Variants in C11orf91 observed in about 807,000 individuals in gnomAD.
The protein encoded by C11orf91 is chromosome 11 open reading frame 91.
A neutral mutation model predicts 14.3 loss-of-function variants in C11orf91; 10 were observed. That is an observed-to-expected ratio of 0.70 (90% CI 0.43 to 1.18). C11orf91 has a LOEUF of 1.18. Among genes scored for constraint, C11orf91 ranks in the 50% most tolerant of loss-of-function variants. The pLI is 0.00. For missense variants in C11orf91, 236 were observed against 269.0 expected (o/e 0.88, Z 0.86); for synonymous variants, 141 against 130.6 (o/e 1.08, Z -0.54).
upstream of C11orf91, among the ~76,000 whole-genome samples, chr11:33,701,754 A>AGTGTGTGTGTGTGT (rs35903408): frequency 4.0e-3 from 602 of 149,020 alleles, 6 homozygotes; most frequent in African/African-American, 0.013. Flanking sequence ...CACAGTGCAA[A>AGTGTGTGTGTGTGT]GTGTGTGTGT....
At position 33,698,521 on chromosome 11, in the gene C11orf91, G is replaced by A. The variant is rs190991415; in HGVS notation, c.497-7C>T. 30 of 1,534,640 alleles carry A rather than the reference G, an allele frequency of 2.0e-5. No individual in the cohort carries two copies. In the Admixed American group the frequency reaches 3.5e-4, roughly 18 times the overall value. On this transcript the variant is annotated splice_region_variant and splice_polypyrimidine_tract_variant and intron_variant, in intron 1 of 1. Coordinates refer to ENST00000379011, the MANE Select transcript of C11orf91 (RefSeq NM_001166692.2). The stretch of plus-strand genomic sequence containing the variant: ...AGCGCCTTCAGGAATGTGTCTGCAG[G>A]AGAGCAAAACAAACTTAGCCGTAAT...
At chr11:33,701,003 C>T (rs1373300307), upstream of C11orf91, among the ~76,000 whole-genome samples, 2 of 152,172 alleles carry the variant, frequency 1.3e-5, no homozygotes, top group Non-Finnish European at 2.9e-5. Context: ...CCTCCCGTCC[C>T]TCGACTCCGC....
At chr11:33,701,133 T>G (rs529502035), upstream of C11orf91, among the ~76,000 whole-genome samples, 22 of 152,248 alleles carry the variant, frequency 1.4e-4, no homozygotes, top group Non-Finnish European at 2.6e-4. Flanking sequence ...AGGCTTCCTC[T>G]CTTTCTCCCA....
upstream of C11orf91, chr11:33,704,604 C>T (rs1853234825): frequency 6.6e-6 from 1 of 152,134 alleles, no homozygotes; most frequent in Admixed American, 6.5e-5. Flanking sequence ...TCTAACAACC[C>T]TAAACCTAGG....
rs941305954 is a variant in C11orf91, at chr11:33,700,553, C to T, written c.188G>A (p.Arg63Gln). Reference protein sequence around the residue: ...GAPVGGAAGARSLSQALPAPA... With the variant: ...GAPVGGAAGAQSLSQALPAPA... ...GGCGGGGAGCGCCTGGGACAGGGAC[C>T]GGGCCCCCGCCGCCCCGCCCACTGG... Residue 63 changes from arginine (R) to glutamine (Q), a missense_variant, in exon 1 of 2, where the codon CGG becomes CAG. Coordinates refer to ENST00000379011, the MANE Select transcript of C11orf91 (RefSeq NM_001166692.2). The T allele has an allele frequency of 1.4e-6, 2 of 1,436,578 alleles. No individual in the cohort carries two copies. Among genetic ancestry groups the T allele is most frequent in the East Asian group, 3.0e-5 (1 of 32,996 alleles). 89.0% of individuals were successfully genotyped at this position (1,436,578 alleles called of 1,614,324 possible). A position where few individuals can be genotyped will look rare whatever the true frequency, so the allele number is the denominator to read the frequency against.
rs964244556 is a variant in C11orf91, at chr11:33,700,637, G to T, written c.104C>A (p.Pro35Gln). The change falls in exon 1 of 2, where the codon CCG becomes CAG. Residue 35 changes from proline to glutamine, a missense_variant. Transcript: ENST00000379011. ...SLYDRGISSS[P>Q]LSDFNIWKKL... is the part of the protein sequence containing the mutation. ...CTTCCAGATGTTGAAGTCGCTGAGCGGGGACGAGGAGATGCCGCGGTCGTA... is the reference window on the plus strand; with the variant it reads ...CTTCCAGATGTTGAAGTCGCTGAGCTGGGACGAGGAGATGCCGCGGTCGTA... The T allele has an allele frequency of 9.5e-6, 14 of 1,473,610 alleles. No individual in the cohort carries two copies. Among genetic ancestry groups the T allele is most frequent in the Non-Finnish European group, 1.3e-5 (14 of 1,116,870 alleles). The allele number at this position is 1,473,610 out of a possible 1,614,324, so 91.3% of individuals were successfully genotyped here. A position where few individuals can be genotyped will look rare whatever the true frequency, so the allele number is the denominator to read the frequency against.
chr11:33,702,737 C>T, upstream of C11orf91: 1 of 387,112 alleles, frequency 2.6e-6, no homozygotes, highest in Non-Finnish European at 5.1e-6. Context: ...AGGCTCTGAA[C>T]CTAAGAGATT....
Position 33,700,515 on chromosome 11 carries a change from G to T in C11orf91, c.226C>A (p.Pro76Thr), listed in dbSNP as rs1853105586. 3 of 1,342,392 alleles carry T rather than the reference G, an allele frequency of 2.2e-6. No individual in the cohort carries two copies. The highest frequency in any genetic ancestry group is 2.8e-6 in the Non-Finnish European group (3 of 1,057,374). The allele number at this position is 1,342,392 out of a possible 1,614,324, so 83.2% of individuals were successfully genotyped here. A position where few individuals can be genotyped will look rare whatever the true frequency, so the allele number is the denominator to read the frequency against. The change falls in exon 1 of 2, where the codon CCC becomes ACC. Residue 76 changes from proline (P) to threonine (T), a missense_variant. Pro to Thr is a conservative substitution (Grantham distance 38). Transcript: ENST00000379011. ...GGACCCAGGCCGGGTGGTGGCGGGG[G>T]CGGGGGCGCCGGGGCGGGGAGCGCC... is the stretch of plus-strand genomic sequence containing the variant. ...SQALPAPAPP[P>T]PPPPGLGPSS...
chr11:33,702,776 A>G, upstream of C11orf91: 1 of 351,614 alleles, frequency 2.8e-6, no homozygotes, highest in Non-Finnish European at 5.6e-6. Flanking sequence ...CCCCTACAGA[A>G]CCACAGTAAT....
intron 1 of C11orf91, 80 bp from the exon 2 acceptor site, chr11:33,698,594 C>A (rs1853064732): frequency 1.0e-6 from 1 of 999,174 alleles, no homozygotes; most frequent in Non-Finnish European, 1.5e-6. Flanking sequence ...TCTTGGGAAG[C>A]AACTGTGCTT....
rs1338679422 is a variant in C11orf91, at chr11:33,698,487, T to TAG, written c.523_524insCT (p.Glu175AlafsTer7). On this transcript the variant is annotated frameshift_variant, in exon 2 of 2. Coordinates refer to ENST00000379011, the MANE Select transcript of C11orf91 (RefSeq NM_001166692.2). LOFTEE classifies it high-confidence loss of function. ...CTTGGTCTTCAGTCCTTGTAACTTT[T>TAG]CGTCTTTTAGCGCCTTCAGGAATGT... The TAG allele has an allele frequency of 2.6e-6, 4 of 1,537,614 alleles. No individual in the cohort carries two copies.
chr11:33,702,478 T>A (rs915810594), upstream of C11orf91, among the ~76,000 whole-genome samples: 2 of 152,054 alleles, frequency 1.3e-5, no homozygotes, highest in Non-Finnish European at 2.9e-5. Context: ...TAAAATAAAA[T>A]AAAAAATACC....
chr11:33,702,930 C>T, upstream of C11orf91: 1 of 157,018 alleles, frequency 6.4e-6, no homozygotes, highest in South Asian at 1.6e-4. Context: ...CTTAGGTTGG[C>T]AAGACTAAGT....
At chr11:33,704,503 A>C (rs1853230288), upstream of C11orf91, 1 of 152,182 alleles carries the variant, frequency 6.6e-6, no homozygotes, top group African/African-American at 2.4e-5. Context: ...CACACCTGAG[A>C]AGCTGCTTCT....
upstream of C11orf91, chr11:33,704,731 G>GGTGTTT (rs1853241339): frequency 6.6e-6 from 1 of 152,414 alleles, no homozygotes; most frequent in Non-Finnish European, 1.5e-5. Context: ...TAGAGGCCAG[G>GGTGTTT]GTGTTTGGAC....
chr11:33,700,312 C>T lies in C11orf91; in HGVS notation c.429G>A (p.Glu143=), dbSNP rs994058496. ...CCAGCTCCTTAATCCGGATCTCCAGCTCGCAGAGCTCCTCCGGGTGGGAGG... is the reference window on the plus strand; with the variant it reads ...CCAGCTCCTTAATCCGGATCTCCAGTTCGCAGAGCTCCTCCGGGTGGGAGG... ...ASASHPEELC[E]LEIRIKELEL... is the part of the protein sequence containing the mutation. Residue 143 remains glutamate, a synonymous_variant, in exon 1 of 2, where the codon GAG becomes GAA. Transcript: ENST00000379011. 2.0e-6 allele frequency: 3 copies of T among 1,535,364 alleles called. No individual in the cohort carries two copies. Among genetic ancestry groups the T allele is most frequent in the Non-Finnish European group, 2.6e-6 (3 of 1,146,666 alleles).
chr11:33,698,343 C>A lies in C11orf91; in HGVS notation c.*86G>T. On this transcript the variant is annotated 3_prime_UTR_variant, in exon 2 of 2. Transcript: ENST00000379011. Reference sequence around the variant, plus strand: ...CGGTAAATACAGAACAGAAAATAACCATCTTTGAAATGACAACAAATGGGA... The same window carrying A: ...CGGTAAATACAGAACAGAAAATAACAATCTTTGAAATGACAACAAATGGGA... The A allele has an allele frequency of 1.2e-6, 1 of 832,706 alleles. No individual in the cohort carries two copies. The highest frequency in any genetic ancestry group is 1.5e-5 in the South Asian group (1 of 68,284). 51.6% of individuals were successfully genotyped at this position (832,706 alleles called of 1,614,324 possible).
Position 33,700,598 on chromosome 11 carries a change from G to A in C11orf91, c.143C>T (p.Pro48Leu). 6.8e-7 allele frequency: 1 copy of A among 1,463,008 alleles called. No homozygotes were observed. Among genetic ancestry groups the A allele is most frequent in the South Asian group, 1.3e-5 (1 of 75,178 alleles). 90.6% of individuals were successfully genotyped at this position (1,463,008 alleles called of 1,614,324 possible). Residue 48 changes from proline (P) to leucine (L), a missense_variant, in exon 1 of 2, where the codon CCG (proline) becomes CTG (leucine). Physicochemically the swap from Pro to Leu is moderately conservative, Grantham distance 98 (BLOSUM62 -3). Transcript: ENST00000379011. Reference protein sequence around the residue: ...DFNIWKKLFVPLKAGGAPVGG... With the variant: ...DFNIWKKLFVLLKAGGAPVGG... ...CACTGGCGCCCCGCCCGCCTTCAGCGGCACGAAGAGCTTCTTCCAGATGTT... is the reference window on the plus strand; with the variant it reads ...CACTGGCGCCCCGCCCGCCTTCAGCAGCACGAAGAGCTTCTTCCAGATGTT...
upstream of C11orf91, among the ~76,000 whole-genome samples, chr11:33,701,283 A>G (rs182428060): frequency 9.7e-4 from 148 of 152,348 alleles, 1 homozygote; most frequent in African/African-American, 3.3e-3. Flanking sequence ...GAGGCAGACA[A>G]AGGAGAAGAG....
Sources: gnomAD v4.1 joint callset for allele counts (sites outside exome capture counted in the v4.1 genomes callset) on GRCh38, gnomAD v4.1.1 for gene constraint, MANE v1.5 for transcripts, NCBI Gene and HGNC (gene_info 2026-07-23, HGNC 2026-07-21) for gene names.